CFAP54: variants seen among roughly 807,000 people sequenced by gnomAD.
CFAP54 encodes cilia and flagella associated protein 54.
A neutral mutation model predicts 370.4 loss-of-function variants in CFAP54; 290 were observed. That is an observed-to-expected ratio of 0.78 (90% CI 0.71 to 0.86). The LOEUF (loss-of-function observed/expected upper bound fraction) is 0.86, where lower values mean the gene tolerates loss of function less well. CFAP54 is among the 40% of genes least tolerant of loss of function. The pLI is 0.00. For synonymous variants in CFAP54, 1,206 were observed against 1,236.5 expected (o/e 0.98, Z 0.52); for missense variants, 3,399 against 3,528.7 (o/e 0.96, Z 0.93).
chr12:96,804,268 A>T (rs1958853430), intron 63 of CFAP54, among the ~76,000 whole-genome samples: 1 of 152,206 alleles, frequency 6.6e-6, no homozygotes, highest in Non-Finnish European at 1.5e-5. Context: ...TATTTAAGAT[A>T]GTACTGGAAT....
At chr12:96,599,479 G>A (rs1310406245) in intron 26 of CFAP54, among the ~76,000 whole-genome samples, 1 of 152,152 alleles carries the variant, frequency 6.6e-6, no homozygotes, top group Non-Finnish European at 1.5e-5. Context: ...ACATGTGCAT[G>A]TGTCTTTATA....
At chr12:96,747,611 G>A (rs1958131420) in intron 55 of CFAP54, among the ~76,000 whole-genome samples, 1 of 152,156 alleles carries the variant, frequency 6.6e-6, no homozygotes, top group African/African-American at 2.4e-5. Context: ...CTAACACACA[G>A]GTTATTAGAA....
intron 32 of CFAP54, among the ~76,000 whole-genome samples, chr12:96,636,295 A>G (rs924085919): frequency 3.9e-5 from 6 of 152,130 alleles, no homozygotes; most frequent in African/African-American, 1.2e-4. Context: ...TGAGATTACT[A>G]TGTCTCTTTG....
In CFAP54 at chr12:96,535,747, C is replaced by G. The variant is rs184649110; in HGVS notation, c.1791+147C>G. On this transcript the variant is annotated intron_variant, in intron 12 of 67. Transcript: ENST00000524981. Reference sequence around the variant, plus strand: ...TTAGCATATAGGATTAAGTTAGATTCTGACTTGTAGTTTTAAGTTTCTTTT... The same window carrying G: ...TTAGCATATAGGATTAAGTTAGATTGTGACTTGTAGTTTTAAGTTTCTTTT... 92 of 489,684 alleles carry G rather than the reference C, an allele frequency of 1.9e-4. 1 individual carries two copies. The Middle Eastern group carries it at 2.4e-3, about 13-fold the overall frequency. The allele number at this position is 489,684 out of a possible 1,614,324, so 30.3% of individuals were successfully genotyped here.
At chr12:96,763,083 G>T (rs1461161546) in intron 58 of CFAP54, among the ~76,000 whole-genome samples, 3 of 152,120 alleles carry the variant, frequency 2.0e-5, no homozygotes, top group Non-Finnish European at 2.9e-5. Flanking sequence ...TAATTGAATT[G>T]TTAGCTCCAT....
Position 96,657,399 on chromosome 12 carries a change from A to G in CFAP54, c.5101-483A>G, listed in dbSNP as rs17025671. Among the ~76,000 whole-genome samples the G allele has an allele frequency of 9.5e-3, 1,443 of 152,290 alleles. 54 individuals are homozygous for G. The East Asian group carries it at 0.1, about 11-fold the overall frequency. ...TGTAACCAACGTATTAGGGAACTTC[A>G]TTATGTGTTTATACTAAAGTCCAGT... is the stretch of plus-strand genomic sequence containing the variant. On this transcript the variant is annotated intron_variant, in intron 36 of 67. Coordinates refer to ENST00000524981, the MANE Select transcript of CFAP54 (RefSeq NM_001306084.2).
chr12:96,577,696 T>C (rs1403611390), intron 20 of CFAP54, among the ~76,000 whole-genome samples: 2 of 152,106 alleles, frequency 1.3e-5, no homozygotes, highest in Non-Finnish European at 2.9e-5. Context: ...AGATAATATA[T>C]AATATTCTTG....
At chr12:96,523,797 C>T (rs2136371527) in intron 8 of CFAP54, among the ~76,000 whole-genome samples, 1 of 151,894 alleles carries the variant, frequency 6.6e-6, no homozygotes, top group Non-Finnish European at 1.5e-5. Context: ...TAACAGTTAT[C>T]CTGGTAGCAA....
intron 30 of CFAP54, among the ~76,000 whole-genome samples, 188 bp from the exon 31 acceptor site, chr12:96,629,905 A>G (rs528793706): frequency 1.3e-5 from 2 of 152,302 alleles, no homozygotes; most frequent in Admixed American, 1.3e-4. Flanking sequence ...TATGATTTAC[A>G]CTTTGCTCTT....
chr12:96,756,285 T>A (rs1958256259), intron 56 of CFAP54, among the ~76,000 whole-genome samples, 173 bp from the exon 57 acceptor site: 1 of 152,168 alleles, frequency 6.6e-6, no homozygotes, highest in Non-Finnish European at 1.5e-5. Context: ...CTGAGGGTTC[T>A]GAAGAAGGAG....
rs535194096 is a variant in CFAP54, at chr12:96,867,646, AAT to A, written c.*14+6696_*14+6697del. Among the ~76,000 whole-genome samples, 35 of 152,302 alleles carry A rather than the reference AAT, an allele frequency of 2.3e-4. No homozygotes were observed. In the East Asian group the frequency reaches 5.6e-3, roughly 24 times the overall value. Reference sequence around the variant, plus strand: ...ACCTGGAGGACATTATGCTAAGTTAAATAAGTCAGGCACAGAAAGACAAATAC... The same window carrying A: ...ACCTGGAGGACATTATGCTAAGTTAAAAGTCAGGCACAGAAAGACAAATAC... On this transcript the variant is annotated intron_variant, in intron 67 of 67. Coordinates refer to ENST00000524981, the MANE Select transcript of CFAP54 (RefSeq NM_001306084.2).
intron 60 of CFAP54, among the ~76,000 whole-genome samples, chr12:96,767,062 C>T (rs1172968925): frequency 6.6e-6 from 1 of 152,188 alleles, no homozygotes; most frequent in Non-Finnish European, 1.5e-5. Flanking sequence ...CACACAAATG[C>T]ATTTAAGGCC....
At chr12:96,510,002 G>T (rs1371583555) in intron 4 of CFAP54, among the ~76,000 whole-genome samples, 1 of 151,758 alleles carries the variant, frequency 6.6e-6, no homozygotes, top group Non-Finnish European at 1.5e-5. Context: ...AACAGGCCCG[G>T]CATGGTGGCT....
chr12:96,673,264 C>T (rs1269903793), intron 39 of CFAP54, among the ~76,000 whole-genome samples: 3 of 152,154 alleles, frequency 2.0e-5, no homozygotes, highest in African/African-American at 7.2e-5. Flanking sequence ...GTGATTCAAA[C>T]CCTGCTTTAA....
At chr12:96,623,621 T>C (rs1956523577) in intron 27 of CFAP54, 146 bp from the exon 28 acceptor site, 1 of 573,172 alleles carries the variant, frequency 1.7e-6, no homozygotes, top group Non-Finnish European at 3.1e-6. Flanking sequence ...TTATTATTCA[T>C]TGTTGTTAAT....
intron 55 of CFAP54, among the ~76,000 whole-genome samples, chr12:96,752,242 G>T (rs1214841467): frequency 1.3e-5 from 2 of 152,148 alleles, no homozygotes; most frequent in African/African-American, 4.8e-5. Flanking sequence ...TAGCAACTTG[G>T]AATTAGAAAA....
intron 45 of CFAP54, among the ~76,000 whole-genome samples, chr12:96,694,342 G>A (rs1452414819): frequency 6.6e-6 from 1 of 152,122 alleles, no homozygotes; most frequent in African/African-American, 2.4e-5. Context: ...TGTTCTCTCT[G>A]CTCTCTTTCC....
intron 26 of CFAP54, among the ~76,000 whole-genome samples, chr12:96,618,679 C>A (rs182366711): frequency 3.3e-5 from 5 of 152,172 alleles, no homozygotes; most frequent in Non-Finnish European, 5.9e-5. Context: ...GGACTTCCAA[C>A]CAGCATTTGG....
At chr12:96,784,618 C>T in intron 60 of CFAP54, 99 bp from the exon 61 acceptor site, 1 of 880,340 alleles carries the variant, frequency 1.1e-6, no homozygotes, top group Non-Finnish European at 1.6e-6. Flanking sequence ...CATGTGTCAG[C>T]ATTTCCTTTA....
Sources: gnomAD v4.1 joint callset for allele counts (sites outside exome capture counted in the v4.1 genomes callset) on GRCh38, gnomAD v4.1.1 for gene constraint, MANE v1.5 for transcripts, NCBI Gene and HGNC (gene_info 2026-07-23, HGNC 2026-07-21) for gene names.